Variants in PKIG observed in about 807,000 individuals in gnomAD.
The protein encoded by PKIG is protein kinase (cAMP-dependent, catalytic) inhibitor gamma.
In PKIG, 1 loss-of-function variant was observed where a neutral mutation model predicts 6.8. That is an observed-to-expected ratio of 0.15 (90% CI 0.05 to 0.69). The LOEUF is 0.69. Among genes scored for constraint, PKIG ranks in the 30% least tolerant of loss-of-function variants. The pLI is 0.82. For missense variants in PKIG, 77 were observed against 104.0 expected, an observed-to-expected ratio of 0.74 and a Z score of 1.13; for synonymous variants, 39 against 43.0, an observed-to-expected ratio of 0.91 and a Z score of 0.36.
At chr20:44,596,035 A>G (rs967692434) in intron 2 of PKIG, among the ~76,000 whole-genome samples, 1 of 152,180 alleles carries the variant, frequency 6.6e-6, no homozygotes, top group Non-Finnish European at 1.5e-5. Context: ...GTCAGGAGCC[A>G]GGAATCAGAT....
intron 1 of PKIG, among the ~76,000 whole-genome samples, chr20:44,540,784 G>C (rs2064554595): frequency 1.3e-5 from 2 of 152,080 alleles, no homozygotes; most frequent in African/African-American, 4.8e-5. Flanking sequence ...ATTTCACCAT[G>C]TTGGCCAGGC....
Position 44,559,200 on chromosome 20 carries a change from C to T in PKIG, c.-240-23385C>T, listed in dbSNP as rs115096808. ...TTCCCCTAAATCTCCATTCTCATTTCGTAGAAGTAAACCATTCTTAACAAT... is the reference window on the plus strand; with the variant it reads ...TTCCCCTAAATCTCCATTCTCATTTTGTAGAAGTAAACCATTCTTAACAAT... On this transcript the variant is annotated intron_variant, in intron 1 of 4. Coordinates refer to the PKIG transcript ENST00000372887. 5.2e-3 allele frequency among the ~76,000 whole-genome samples: 793 copies of T among 152,208 alleles called. 8 individuals carry two copies. Among genetic ancestry groups the T allele is most frequent in the African/African-American group, 0.018 (757 of 41,506 alleles).
At chr20:44,548,867 C>T (rs544524572) in intron 1 of PKIG, among the ~76,000 whole-genome samples, 2 of 137,692 alleles carry the variant, frequency 1.5e-5, no homozygotes, top group Admixed American at 7.2e-5. Context: ...CACACACACA[C>T]ACACACACAC....
chr20:44,581,993 C>T (rs564678289), upstream of PKIG, among the ~76,000 whole-genome samples: 1 of 152,246 alleles, frequency 6.6e-6, no homozygotes, highest in Non-Finnish European at 1.5e-5. Flanking sequence ...GTCATTCATT[C>T]AGTTGAAGGC....
intron 2 of PKIG, among the ~76,000 whole-genome samples, chr20:44,608,249 AAC>A (rs1344724747): frequency 2.6e-5 from 4 of 152,228 alleles, no homozygotes; most frequent in Non-Finnish European, 4.4e-5. Flanking sequence ...AAGGAAATAT[AAC>A]AGATTTTAAA....
chr20:44,549,360 C>G (rs965871760), intron 1 of PKIG, among the ~76,000 whole-genome samples: 9 of 152,050 alleles, frequency 5.9e-5, no homozygotes, highest in Non-Finnish European at 1.0e-4. Context: ...GTTTTTTTCC[C>G]CATATACTGT....
chr20:44,596,272 G>A (rs530974181), intron 2 of PKIG, among the ~76,000 whole-genome samples: 1 of 152,384 alleles, frequency 6.6e-6, no homozygotes, highest in African/African-American at 2.4e-5. Context: ...TTAGGAAGAA[G>A]TCAAGGTGCT....
intron 2 of PKIG, among the ~76,000 whole-genome samples, chr20:44,603,715 A>C (rs1039047854): frequency 2.0e-5 from 3 of 152,140 alleles, no homozygotes; most frequent in Non-Finnish European, 4.4e-5. Context: ...TTCTACAACA[A>C]CTTTTCATTA....
At position 44,614,730 on chromosome 20, in the gene PKIG, C is replaced by CACT. The variant is rs2065249008; in HGVS notation, c.151+27_151+29dup. Reference sequence around the variant, plus strand: ...CAGGTTAGAGCCAGCAGGTCCTTGGCACTACTGCATGCCAGAGGCCCTCTG... The same window carrying CACT: ...CAGGTTAGAGCCAGCAGGTCCTTGGCACTACTACTGCATGCCAGAGGCCCTCTG... On this transcript the variant is annotated intron_variant, in intron 3 of 3. Transcript: ENST00000372886. This position sits in a 1 kb window ranked among gnomAD's most constrained non-coding sequence, Gnocchi z 4.6. 2 of 1,612,516 alleles carry CACT rather than the reference C, an allele frequency of 1.2e-6. No individual in the cohort carries two copies. Among genetic ancestry groups the CACT allele is most frequent in the South Asian group, 2.2e-5 (2 of 91,028 alleles).
At chr20:44,608,582 C>A (rs244088) in intron 2 of PKIG, among the ~76,000 whole-genome samples, 33,894 of 152,044 alleles carry the variant, frequency 0.22, 4,607 homozygotes, top group African/African-American at 0.38. Flanking sequence ...GCAGGAGGAT[C>A]ACTTGAGCCC....
chr20:44,553,372 A>G (rs1174506844), intron 1 of PKIG, among the ~76,000 whole-genome samples: 1 of 152,168 alleles, frequency 6.6e-6, no homozygotes, highest in Non-Finnish European at 1.5e-5. Flanking sequence ...TGAAGTGTAC[A>G]TGTTAAGAGT....
At chr20:44,613,721 G>A (rs753466868) in intron 2 of PKIG, among the ~76,000 whole-genome samples, 4 of 152,060 alleles carry the variant, frequency 2.6e-5, no homozygotes, top group Non-Finnish European at 4.4e-5. Context: ...CTTGGCACCT[G>A]AACTTCACAG....
At chr20:44,598,198 C>T (rs978719749) in intron 2 of PKIG, among the ~76,000 whole-genome samples, 1 of 152,174 alleles carries the variant, frequency 6.6e-6, no homozygotes, top group Non-Finnish European at 1.5e-5. Flanking sequence ...ACAGCACGGC[C>T]ACCTCAGATT....
At chr20:44,577,536 T>C (rs1231915227) in intron 1 of PKIG, among the ~76,000 whole-genome samples, 1 of 152,230 alleles carries the variant, frequency 6.6e-6, no homozygotes, top group Non-Finnish European at 1.5e-5. Flanking sequence ...CCTGTTCTTC[T>C]GTATTTTCTT....
intron 1 of PKIG, among the ~76,000 whole-genome samples, chr20:44,569,744 T>G (rs2064839439): frequency 6.6e-6 from 1 of 152,150 alleles, no homozygotes; most frequent in Non-Finnish European, 1.5e-5. Context: ...GTAGCTGGGA[T>G]TACAGGTGTG....
intron 1 of PKIG, among the ~76,000 whole-genome samples, chr20:44,563,597 A>G (rs1189479406): frequency 1.3e-5 from 2 of 152,172 alleles, no homozygotes; most frequent in Non-Finnish European, 2.9e-5. Flanking sequence ...TGGCATAATC[A>G]TAGCTCATTG....
At chr20:44,607,437 C>T (rs1306664854) in intron 2 of PKIG, among the ~76,000 whole-genome samples, 12 of 137,420 alleles carry the variant, frequency 8.7e-5, no homozygotes, top group East Asian at 6.4e-4. Context: ...AGTGCAGTGG[C>T]GCAATCCCGG....
intron 2 of PKIG, among the ~76,000 whole-genome samples, chr20:44,603,576 T>C (rs1445554335): frequency 6.6e-6 from 1 of 152,128 alleles, no homozygotes. Context: ...GGAAAAGAGC[T>C]CTGGACCGGG....
chr20:44,554,110 C>T (rs1027116017), intron 1 of PKIG, among the ~76,000 whole-genome samples: 2 of 151,488 alleles, frequency 1.3e-5, no homozygotes, highest in African/African-American at 4.9e-5. Context: ...CTTGCTCTGT[C>T]GCCCAGGCTG....
Sources: allele counts gnomAD v4.1 joint callset (sites outside exome capture counted in the v4.1 genomes callset), GRCh38; gene constraint gnomAD v4.1.1; non-coding constraint Gnocchi (gnomAD v3.1); transcripts MANE v1.5; gene names NCBI Gene and HGNC (gene_info 2026-07-23, HGNC 2026-07-21).